The following GALNT13 variants were observed in gnomAD, a reference collection of about 807,000 sequenced individuals.
GALNT13 encodes UDP-GalNAc:polypeptide N-acetylgalactosaminyltransferase 13.
A neutral mutation model predicts 64.2 loss-of-function variants in GALNT13; 28 were observed. The observed-to-expected ratio is 0.44, with a 90% CI of 0.32 to 0.60. The LOEUF (loss-of-function observed/expected upper bound fraction) is 0.60. GALNT13 is among the 20% of genes least tolerant of loss of function. The pLI is 0.05. For synonymous variants in GALNT13, 214 were observed against 224.6 expected (o/e 0.95, Z 0.42); for missense variants, 577 against 669.8 (o/e 0.86, Z 1.53).
chr2:153,447,901 T>C, the GALNT13 span, among the ~76,000 whole-genome samples: 1 of 152,190 alleles, frequency 6.6e-6, no homozygotes, highest in Non-Finnish European at 1.5e-5. Context: ...GGCAAGGCAG[T>C]GTTCTAGGAC....
At chr2:154,183,944 A>C (rs1686107922) in intron 4 of GALNT13, among the ~76,000 whole-genome samples, 1 of 151,964 alleles carries the variant, frequency 6.6e-6, no homozygotes, top group African/African-American at 2.4e-5. Context: ...TTTATTCTTA[A>C]TATAGACATT....
Position 154,109,645 on chromosome 2 carries a change from CA to C in GALNT13, c.143-30691del, listed in dbSNP as rs1422626423. Among the ~76,000 whole-genome samples the C allele has an allele frequency of 7.2e-5, 11 of 152,208 alleles. 1 individual carries two copies. In the East Asian group the frequency reaches 1.2e-3, roughly 16 times the overall value. ...TGGGCTTCACTGTTGTGTTGAAATGCATGTCTTCTATACCTAATTTAGTGAG... is the reference window on the plus strand; with the variant it reads ...TGGGCTTCACTGTTGTGTTGAAATGCTGTCTTCTATACCTAATTTAGTGAG... On this transcript the variant is annotated intron_variant, in intron 3 of 12. Coordinates refer to ENST00000392825, the MANE Select transcript of GALNT13 (RefSeq NM_052917.4).
At chr2:153,710,552 T>C in the GALNT13 span, among the ~76,000 whole-genome samples, 1,260 of 152,188 alleles carry the variant, frequency 8.3e-3, 13 homozygotes, top group African/African-American at 0.029. Context: ...AACCCAAATA[T>C]AATTACCATC....
chr2:153,178,689 A>G, the GALNT13 span, among the ~76,000 whole-genome samples: 2 of 148,452 alleles, frequency 1.3e-5, no homozygotes, highest in East Asian at 4.0e-4. Flanking sequence ...CATTTCTTGT[A>G]CAGAAGCTTT....
intron 9 of GALNT13, among the ~76,000 whole-genome samples, chr2:154,302,883 G>A (rs1272228167): frequency 6.6e-6 from 1 of 152,080 alleles, no homozygotes; most frequent in South Asian, 2.1e-4. Context: ...ACCTTTAAAA[G>A]GTGCTAAACT....
At chr2:153,719,477 A>G in the GALNT13 span, among the ~76,000 whole-genome samples, 1 of 152,204 alleles carries the variant, frequency 6.6e-6, no homozygotes, top group African/African-American at 2.4e-5. Context: ...CCGAATAGGA[A>G]CAGCTCCGGT....
the GALNT13 span, among the ~76,000 whole-genome samples, chr2:153,086,216 G>A: frequency 1.3e-5 from 2 of 152,130 alleles, no homozygotes; most frequent in Non-Finnish European, 2.9e-5. Flanking sequence ...TTACCTTGTT[G>A]TCTCAGATGA....
the GALNT13 span, among the ~76,000 whole-genome samples, chr2:153,615,553 T>C: frequency 0.2 from 29,810 of 152,012 alleles, 3,117 homozygotes; most frequent in African/African-American, 0.25. Context: ...CCTGCCTGTC[T>C]TTGGGATGTA....
chr2:153,312,064 G>A, the GALNT13 span, among the ~76,000 whole-genome samples: 1 of 152,288 alleles, frequency 6.6e-6, no homozygotes. Context: ...TACAAATAAT[G>A]TAAATTGCCA....
At chr2:153,708,506 C>T in the GALNT13 span, among the ~76,000 whole-genome samples, 1 of 152,086 alleles carries the variant, frequency 6.6e-6, no homozygotes, top group Non-Finnish European at 1.5e-5. Context: ...GGCAATCAGT[C>T]TTTAAACTTT....
the GALNT13 span, among the ~76,000 whole-genome samples, chr2:153,079,165 A>G: frequency 6.6e-6 from 1 of 152,166 alleles, no homozygotes; most frequent in Non-Finnish European, 1.5e-5. Flanking sequence ...GAGGTGCCAA[A>G]CAGAAAAGTA....
the GALNT13 span, among the ~76,000 whole-genome samples, chr2:153,095,144 T>C: frequency 6.6e-6 from 1 of 152,076 alleles, no homozygotes; most frequent in Non-Finnish European, 1.5e-5. Flanking sequence ...ACCCATCTGA[T>C]AAAGGGCTAA....
At chr2:153,122,622 G>A in the GALNT13 span, among the ~76,000 whole-genome samples, 1 of 152,198 alleles carries the variant, frequency 6.6e-6, no homozygotes, top group Non-Finnish European at 1.5e-5. Flanking sequence ...AAGGATAGCT[G>A]GTTGGCTTGA....
rs139161985 is a variant in GALNT13 at position 153,935,608 on chromosome 2, G to T, written c.-104-8786G>T. On this transcript the variant is annotated intron_variant, in intron 2 of 12. Transcript: ENST00000392825. ...GAGGAAGGGTATCTTTTTGGGAGCAGCCATTTATGGCATCAGGCACAGCAG... is the reference window on the plus strand; with the variant it reads ...GAGGAAGGGTATCTTTTTGGGAGCATCCATTTATGGCATCAGGCACAGCAG... Among the ~76,000 whole-genome samples the T allele has an allele frequency of 2.7e-3, 415 of 152,318 alleles. 9 individuals are homozygous for T. In the East Asian group the frequency reaches 0.055, roughly 20 times the overall value.
chr2:153,464,016 T>A, the GALNT13 span, among the ~76,000 whole-genome samples: 63 of 152,126 alleles, frequency 4.1e-4, no homozygotes, highest in Middle Eastern at 3.4e-3. Flanking sequence ...GACAAACAAG[T>A]GGACTTCAGG....
At chr2:154,433,030 C>T (rs1344881922) in intron 11 of GALNT13, among the ~76,000 whole-genome samples, 1 of 152,172 alleles carries the variant, frequency 6.6e-6, no homozygotes, top group Admixed American at 6.6e-5. Flanking sequence ...GAGCTTGCAA[C>T]CCATGCAATC....
chr2:153,246,340 A>G, the GALNT13 span, among the ~76,000 whole-genome samples: 4 of 152,226 alleles, frequency 2.6e-5, no homozygotes, highest in Non-Finnish European at 5.9e-5. Flanking sequence ...CCCAAGACAC[A>G]TAGTCACCAG....
chr2:154,172,231 A>G (rs1481404574), intron 4 of GALNT13, among the ~76,000 whole-genome samples: 1 of 152,070 alleles, frequency 6.6e-6, no homozygotes, highest in Non-Finnish European at 1.5e-5. Context: ...ATAATTTAAT[A>G]CATTCATAAA....
At chr2:154,121,822 T>A (rs1681960516) in intron 3 of GALNT13, among the ~76,000 whole-genome samples, 1 of 152,108 alleles carries the variant, frequency 6.6e-6, no homozygotes, top group Non-Finnish European at 1.5e-5. Context: ...TTTCTTTCTT[T>A]CCAATCCATT....
Sources: allele counts gnomAD v4.1 joint callset (sites outside exome capture counted in the v4.1 genomes callset), GRCh38; gene constraint gnomAD v4.1.1; transcripts MANE v1.5; gene names NCBI Gene and HGNC (gene_info 2026-07-23, HGNC 2026-07-21).